AKAP17A: variants seen among roughly 807,000 people sequenced by gnomAD.
The protein encoded by AKAP17A is A-kinase anchor protein 17A.
A neutral mutation model predicts 52.2 loss-of-function variants in AKAP17A; 15 were observed. The ratio of observed to expected loss-of-function variants is 0.29; its 90% confidence interval spans 0.19 to 0.44. AKAP17A has a LOEUF of 0.44. AKAP17A is among the 20% of genes least tolerant of loss of function. The pLI is 1.00. For synonymous variants in AKAP17A, 514 were observed against 424.7 expected (o/e 1.21, Z -2.58); for missense variants, 1,060 against 1,007.0 (o/e 1.05, Z -0.71).
chrX:1,594,557 T>C lies in AKAP17A; in HGVS notation c.762+333T>C, dbSNP rs1167589915. On this transcript the variant is annotated intron_variant, in intron 2 of 4. Coordinates refer to ENST00000313871, the MANE Select transcript of AKAP17A (RefSeq NM_005088.3). Reference sequence around the variant, plus strand: ...GAACCCGGCCTTCCCAGAATGCACCTTGAAACCAGGGCTGAACGTTCCCTT... The same window carrying C: ...GAACCCGGCCTTCCCAGAATGCACCCTGAAACCAGGGCTGAACGTTCCCTT... 8.5e-5 allele frequency among the ~76,000 whole-genome samples: 13 copies of C among 152,290 alleles called. 1 individual carries two copies. In the South Asian group the frequency reaches 2.1e-3, roughly 24 times the overall value.
chrX:1,600,679 G>A lies in AKAP17A; in HGVS notation c.1173G>A (p.Gln391=). 1 of 1,543,418 alleles carries A rather than the reference G, an allele frequency of 6.5e-7. No individual in the cohort carries two copies. Residue 391 remains glutamine, a synonymous_variant, in exon 5 of 5, where the codon CAG becomes CAA. Coordinates refer to ENST00000313871, the MANE Select transcript of AKAP17A (RefSeq NM_005088.3). ...CGCAGGCTGTGAAGCTACGGGAACA[G>A]GAGCAGAAGGAGGAGAAGCTGAGGC... ...SRAKAVKLRE[Q]EQKEEKLRLQ...
chrX:1,593,189 C>CT (rs1932869051), intron 1 of AKAP17A, among the ~76,000 whole-genome samples: 1 of 152,158 alleles, frequency 6.6e-6, no homozygotes, highest in Non-Finnish European at 1.5e-5. Context: ...TCGGGCAGTG[C>CT]TGACCGAGGC....
Position 1,596,776 on chromosome X carries a change from TCTTCCTC to T in AKAP17A, c.911+1247_911+1253del, listed in dbSNP as rs1478714977. The stretch of plus-strand genomic sequence containing the variant: ...TGAGGTGGATTCCTCCTCCTCCTCC[TCTTCCTC>T]CTCCATCCCTCCCGCTGTGCCCTCC... On this transcript the variant is annotated intron_variant, in intron 3 of 4. Coordinates refer to ENST00000313871, the MANE Select transcript of AKAP17A (RefSeq NM_005088.3). Among the ~76,000 whole-genome samples the T allele has an allele frequency of 5.2e-5, 4 of 76,652 alleles. 1 individual carries two copies. The highest frequency in any genetic ancestry group is 1.8e-4 in the African/African-American group (3 of 16,886). The allele number at this position is 76,652 out of a possible 152,430, so 50.3% of individuals were successfully genotyped here. A position where few individuals can be genotyped will look rare whatever the true frequency, so the allele number is the denominator to read the frequency against.
At chrX:1,595,554 CCTCGGCG>C (rs1415771502) in intron 3 of AKAP17A, 22 bp downstream of exon 3, 21 of 1,613,046 alleles carry the variant, frequency 1.3e-5, no homozygotes, top group Non-Finnish European at 1.8e-5. Context: ...GGGAGCGGGC[CCTCGGCG>C]CTGGTGTCCG....
rs748096680 is a variant in AKAP17A, at chrX:1,595,542, G to A, written c.911+10G>A. Reference sequence around the variant, plus strand: ...AGCGAGCGGAGGAAAGGTACCTTCTGCGGGAGCGGGCCCTCGGCGCTGGTG... The same window carrying A: ...AGCGAGCGGAGGAAAGGTACCTTCTACGGGAGCGGGCCCTCGGCGCTGGTG... On this transcript the variant is annotated intron_variant, in intron 3 of 4. Coordinates refer to ENST00000313871, the MANE Select transcript of AKAP17A (RefSeq NM_005088.3). 1 of 1,613,476 alleles carries A rather than the reference G, an allele frequency of 6.2e-7. No homozygotes were observed. The highest frequency in any genetic ancestry group is 2.2e-5 in the East Asian group (1 of 44,868).
chrX:1,593,389 A>G (rs1932872943), intron 1 of AKAP17A, 55 bp from the exon 2 acceptor site: 3 of 1,539,950 alleles, frequency 1.9e-6, no homozygotes, highest in South Asian at 2.5e-5. Context: ...GCCCCTCCTC[A>G]TTGGCGGGGG....
rs1358807670 is a variant in AKAP17A at position 1,602,357 on chromosome X, T to A, written c.*763T>A. ...GCTAAATTATTTTTACTTGGAATGT[T>A]TCAAACAGATTTCAGGCTGCAAACT... On this transcript the variant is annotated 3_prime_UTR_variant, in exon 5 of 5. Coordinates refer to ENST00000313871, the MANE Select transcript of AKAP17A (RefSeq NM_005088.3). The A allele has an allele frequency of 1.3e-5, 2 of 152,218 alleles. No homozygotes were observed. The highest frequency in any genetic ancestry group is 2.9e-5 in the Non-Finnish European group (2 of 68,032). 9.4% of individuals were successfully genotyped at this position (152,218 alleles called of 1,614,324 possible). A position where few individuals can be genotyped will look rare whatever the true frequency, so the allele number is the denominator to read the frequency against.
chrX:1,600,311 G>T, intron 4 of AKAP17A: 1 of 848,450 alleles, frequency 1.2e-6, no homozygotes, highest in South Asian at 1.6e-5. Flanking sequence ...GCTGGCGGCC[G>T]CTTGTGACCT....
Position 1,593,617 on chromosome X carries a change from T to C in AKAP17A, c.155T>C (p.Met52Thr), listed in dbSNP as rs1317336471. The change falls in exon 2 of 5, where the codon ATG becomes ACG. Residue 52 changes from methionine to threonine, a missense_variant. This residue lies in a region of AKAP17A where 267 missense variants were observed against 377.1 expected (regional missense o/e 0.71). Coordinates refer to ENST00000313871, the MANE Select transcript of AKAP17A (RefSeq NM_005088.3). The part of the protein sequence containing the change: ...PGKSISNWEV[M>T]ERLKGMVQNH... Reference sequence around the variant, plus strand: ...AAGTCCATCTCCAACTGGGAGGTGATGGAGAGGCTGAAGGGCATGGTGCAG... The same window carrying C: ...AAGTCCATCTCCAACTGGGAGGTGACGGAGAGGCTGAAGGGCATGGTGCAG... 1.2e-6 allele frequency: 2 copies of C among 1,613,824 alleles called. No individual in the cohort carries two copies. Among genetic ancestry groups the C allele is most frequent in the Admixed American group, 3.3e-5 (2 of 60,010 alleles).
intron 3 of AKAP17A, among the ~76,000 whole-genome samples, chrX:1,597,160 T>C (rs1933043533): frequency 6.6e-6 from 1 of 152,130 alleles, no homozygotes; most frequent in Non-Finnish European, 1.5e-5. Context: ...GCTGGTGATG[T>C]TTGCACGAGA....
intron 3 of AKAP17A, among the ~76,000 whole-genome samples, chrX:1,596,410 A>G (rs1441433060): frequency 5.3e-5 from 8 of 151,246 alleles, no homozygotes. Context: ...CTTTCTGTGA[A>G]TCCCCTGAGG....
intron 1 of AKAP17A, among the ~76,000 whole-genome samples, chrX:1,592,395 G>A (rs750248355): frequency 7.2e-5 from 11 of 152,058 alleles, no homozygotes; most frequent in Non-Finnish European, 1.6e-4. Flanking sequence ...ACTGGGGATT[G>A]GGCAGCCAGG....
chrX:1,599,778 T>C (rs1933252777), intron 4 of AKAP17A: 1 of 605,342 alleles, frequency 1.7e-6, no homozygotes, highest in Non-Finnish European at 2.9e-6. Context: ...GGCCCGCGCC[T>C]CTGTGTGTGG....
intron 1 of AKAP17A, 30 bp from the exon 2 acceptor site, chrX:1,593,414 G>C (rs748781128): frequency 1.9e-6 from 3 of 1,572,104 alleles, no homozygotes; most frequent in African/African-American, 1.3e-5. Flanking sequence ...GGGGGGTGCT[G>C]GTGCTGACTG....
chrX:1,599,272 A>C lies in AKAP17A; in HGVS notation c.992A>C (p.Asp331Ala), dbSNP rs1161310330. Reference protein sequence around the residue: ...KLRKREQKQRDRELRRNQKKL... With the variant: ...KLRKREQKQRARELRRNQKKL... ...CGCAAGAGGGAGCAGAAGCAGAGGG[A>C]CCGTGAGCTGCGCCGGAATCAGAAG... is the stretch of plus-strand genomic sequence containing the variant. The change falls in exon 4 of 5, where the codon GAC (aspartate) becomes GCC (alanine). Residue 331 changes from aspartate (D) to alanine (A), a missense_variant. Asp to Ala is a moderately radical substitution (Grantham distance 126, BLOSUM62 -2). This residue lies in a region of AKAP17A where 793 missense variants were observed against 629.9 expected (regional missense o/e 1.26). Coordinates refer to ENST00000313871, the MANE Select transcript of AKAP17A (RefSeq NM_005088.3). 1 of 1,612,406 alleles carries C rather than the reference A, an allele frequency of 6.2e-7. No homozygotes were observed. The highest frequency in any genetic ancestry group is 8.5e-7 in the Non-Finnish European group (1 of 1,179,696).
At chrX:1,594,665 C>T (rs1244388506) in intron 2 of AKAP17A, among the ~76,000 whole-genome samples, 1 of 151,506 alleles carries the variant, frequency 6.6e-6, no homozygotes, top group African/African-American at 2.4e-5. Context: ...GTTTCCTGGA[C>T]TGGAGTGCAG....
Position 1,600,651 on chromosome X carries a change from C to G in AKAP17A, c.1153-8C>G. The G allele has an allele frequency of 6.5e-7, 1 of 1,530,806 alleles. No individual in the cohort carries two copies. The allele number at this position is 1,530,806 out of a possible 1,614,324, so 94.8% of individuals were successfully genotyped here. On this transcript the variant is annotated splice_region_variant and splice_polypyrimidine_tract_variant and intron_variant, in intron 4 of 4. Transcript: ENST00000313871. ...CCGGGCTCAGCTGCACTTTCCTCTT[C>G]CCCGCAGGCTGTGAAGCTACGGGAA... is the stretch of plus-strand genomic sequence containing the variant.
Position 1,593,981 on chromosome X carries a change from C to T in AKAP17A, c.519C>T (p.Val173=). 1.9e-6 allele frequency: 3 copies of T among 1,602,022 alleles called. No homozygotes were observed. The highest frequency in any genetic ancestry group is 1.7e-4 in the Middle Eastern group (1 of 5,992). The change falls in exon 2 of 5, where the codon GTC becomes GTT. Residue 173 remains valine (V), a synonymous_variant. Transcript: ENST00000313871. ...GCTCCGAGAAGCCCAGCGAGGACGT[C>T]CTGGTCAAGGTGTTTGAGAAGTTCG... ...ESGSEKPSED[V]LVKVFEKFGE...
chrX:1,592,577 C>T (rs1430200298), intron 1 of AKAP17A, among the ~76,000 whole-genome samples: 2 of 152,216 alleles, frequency 1.3e-5, no homozygotes, highest in East Asian at 3.9e-4. Flanking sequence ...CCCTCCCTCC[C>T]TTCTTTCGCA....
Sources: gnomAD v4.1 joint callset for allele counts (sites outside exome capture counted in the v4.1 genomes callset) on GRCh38, gnomAD v4.1.1 for gene constraint, gnomAD v4.1.1 regional missense constraint, MANE v1.5 for transcripts, NCBI Gene and HGNC (gene_info 2026-07-23, HGNC 2026-07-21) for gene names.